Variants in EIF3E observed in about 807,000 individuals in gnomAD.
The protein encoded by EIF3E is eIF-3 p48.
EIF3E carries 25 observed loss-of-function variants against 59.3 expected under a neutral mutation model. That is an observed-to-expected ratio of 0.42 (90% CI 0.31 to 0.59). The LOEUF (loss-of-function observed/expected upper bound fraction) is 0.59. Ranked by LOEUF, EIF3E falls within the 20% of genes least tolerant of loss-of-function variation. The pLI, the probability that EIF3E is intolerant of heterozygous loss-of-function variation, is 0.15. For missense variants in EIF3E, 317 were observed against 534.3 expected (o/e 0.59, Z 4.01); for synonymous variants, 176 against 170.2 (o/e 1.03, Z -0.26).
At chr8:108,229,483 A>G (rs1177161055) in intron 5 of EIF3E, 2 of 203,346 alleles carry the variant, frequency 9.8e-6, no homozygotes, top group East Asian at 2.1e-4. Context: ...TAATTTATAC[A>G]TAACTAATCA....
At chr8:108,221,861 A>C (rs1815422775) in intron 7 of EIF3E, among the ~76,000 whole-genome samples, 1 of 152,142 alleles carries the variant, frequency 6.6e-6, no homozygotes, top group Non-Finnish European at 1.5e-5. Context: ...ATGAACACTA[A>C]AACTGAAATT....
intron 7 of EIF3E, chr8:108,226,467 A>G (rs1267985933): frequency 6.6e-6 from 1 of 152,340 alleles, no homozygotes; most frequent in Non-Finnish European, 1.5e-5. Context: ...AAGTGCTGAA[A>G]TTACAGGCGT....
chr8:108,244,350 A>T (rs1366041246), intron 1 of EIF3E, among the ~76,000 whole-genome samples: 1 of 152,208 alleles, frequency 6.6e-6, no homozygotes, highest in Non-Finnish European at 1.5e-5. Flanking sequence ...TAGTCTGCTG[A>T]TCCGTCGTCT....
chr8:108,236,158 T>TA lies in EIF3E; in HGVS notation c.366+2dup. 6.2e-7 allele frequency: 1 copy of TA among 1,609,722 alleles called. No individual in the cohort carries two copies. Among genetic ancestry groups the TA allele is most frequent in the South Asian group, 1.1e-5 (1 of 89,984 alleles). The stretch of plus-strand genomic sequence containing the variant: ...AACTTTAAAATATTTTTAAAACACT[T>TA]ACACCATGCTTGTCCGCCAGGTAGT... On this transcript the variant is annotated splice_region_variant and intron_variant, in intron 4 of 12. Coordinates refer to ENST00000220849, the MANE Select transcript of EIF3E (RefSeq NM_001568.3).
At chr8:108,217,921 T>C (rs1198249576) in intron 7 of EIF3E, among the ~76,000 whole-genome samples, 1 of 152,094 alleles carries the variant, frequency 6.6e-6, no homozygotes, top group African/African-American at 2.4e-5. Context: ...GGGGAAGGAA[T>C]ATTACAATAT....
At chr8:108,239,433 C>G (rs1401796580) in intron 3 of EIF3E, among the ~76,000 whole-genome samples, 1 of 152,144 alleles carries the variant, frequency 6.6e-6, no homozygotes, top group African/African-American at 2.4e-5. Context: ...AACTCCTAGG[C>G]TCAACGGATT....
At chr8:108,235,550 C>T (rs1436268471) in intron 4 of EIF3E, among the ~76,000 whole-genome samples, 3 of 152,186 alleles carry the variant, frequency 2.0e-5, no homozygotes, top group African/African-American at 7.2e-5. Context: ...TGCTCTGTGG[C>T]CCTCCGGTAC....
chr8:108,242,528 T>G, intron 1 of EIF3E: 1 of 1,170,972 alleles, frequency 8.5e-7, no homozygotes, highest in Middle Eastern at 2.6e-4. Flanking sequence ...ACAGAAATGC[T>G]TCAGCAAAAG....
At chr8:108,235,620 G>A (rs1815714366) in intron 4 of EIF3E, among the ~76,000 whole-genome samples, 1 of 152,180 alleles carries the variant, frequency 6.6e-6, no homozygotes, top group Admixed American at 6.5e-5. Flanking sequence ...AAAGCCTCAT[G>A]CTTTGAGTTA....
rs200045750 is a variant in EIF3E at position 108,236,141 on chromosome 8, A to G, written c.366+20T>C. 1.2e-6 allele frequency: 2 copies of G among 1,601,710 alleles called. No homozygotes were observed. The highest frequency in any genetic ancestry group is 2.2e-5 in the East Asian group (1 of 44,506). On this transcript the variant is annotated intron_variant, in intron 4 of 12. Coordinates refer to ENST00000220849, the MANE Select transcript of EIF3E (RefSeq NM_001568.3). ...CATTATTAAAACATGACAACTTTAA[A>G]ATATTTTTAAAACACTTACACCATG...
intron 5 of EIF3E, among the ~76,000 whole-genome samples, chr8:108,232,289 C>A (rs1418881953): frequency 6.6e-6 from 1 of 152,110 alleles, no homozygotes; most frequent in Non-Finnish European, 1.5e-5. Flanking sequence ...GTGGCTCAGA[C>A]AGGACAAAAA....
chr8:108,214,624 G>A lies in EIF3E; in HGVS notation c.1044C>T (p.His348=), dbSNP rs1393774686. The change falls in exon 10 of 13, where the codon CAC becomes CAT. Residue 348 remains histidine, a synonymous_variant. Coordinates refer to ENST00000220849, the MANE Select transcript of EIF3E (RefSeq NM_001568.3). ...LFIFETFCRI[H]QCISINMLAD... ...GTTCTTACTTAATGCTGATACACTG[G>A]TGGATGCGACAGAAAGTCTCAAATA... 6 of 1,607,388 alleles carry A rather than the reference G, an allele frequency of 3.7e-6. No individual in the cohort carries two copies. In the South Asian group the frequency reaches 5.6e-5, roughly 15 times the overall value.
intron 7 of EIF3E, among the ~76,000 whole-genome samples, chr8:108,217,805 C>A (rs778203241): frequency 1.3e-5 from 2 of 152,090 alleles, no homozygotes; most frequent in Admixed American, 6.6e-5. Flanking sequence ...CTTTCATTCA[C>A]CCATTAGAAA....
intron 4 of EIF3E, 42 bp from the exon 5 acceptor site, chr8:108,235,144 G>T: frequency 7.9e-7 from 1 of 1,258,614 alleles, no homozygotes; most frequent in Non-Finnish European, 1.1e-6. Flanking sequence ...TTAATTTAGA[G>T]TTTTAAAACC....
intron 1 of EIF3E, among the ~76,000 whole-genome samples, chr8:108,245,119 C>A (rs1219114550): frequency 1.3e-5 from 2 of 151,042 alleles, no homozygotes; most frequent in Non-Finnish European, 2.9e-5. Context: ...AAAACCCTCA[C>A]TGCCCCCCCC....
At chr8:108,203,355 A>T in intron 11 of EIF3E, 46 bp downstream of exon 11, 1 of 1,527,642 alleles carries the variant, frequency 6.5e-7, no homozygotes, top group South Asian at 1.2e-5. Flanking sequence ...TCCCAAAAGT[A>T]TAATCAGGAA....
At chr8:108,242,431 C>T in intron 1 of EIF3E, 1 of 1,289,136 alleles carries the variant, frequency 7.8e-7, no homozygotes, top group Non-Finnish European at 1.0e-6. Flanking sequence ...ACCTATAGTA[C>T]AGGGAGCAAA....
At chr8:108,224,863 G>GAAAAATA (rs1815490303) in intron 7 of EIF3E, among the ~76,000 whole-genome samples, 1 of 151,482 alleles carries the variant, frequency 6.6e-6, no homozygotes, top group Non-Finnish European at 1.5e-5. Flanking sequence ...TATACTAGCA[G>GAAAAATA]TCCCTATATT....
At chr8:108,211,115 A>G (rs1213583680) in intron 10 of EIF3E, among the ~76,000 whole-genome samples, 12 of 152,182 alleles carry the variant, frequency 7.9e-5, no homozygotes, top group Non-Finnish European at 1.5e-5. Context: ...TATGTCCAGT[A>G]ATGGGATGGC....
Sources: allele counts gnomAD v4.1 joint callset (sites outside exome capture counted in the v4.1 genomes callset), GRCh38; gene constraint gnomAD v4.1.1; transcripts MANE v1.5; gene names NCBI Gene and HGNC (gene_info 2026-07-23, HGNC 2026-07-21).